RASGRF2: variants seen among roughly 807,000 people sequenced by gnomAD.
RASGRF2 encodes ras-specific guanine nucleotide-releasing factor 2.
A neutral mutation model predicts 151.0 loss-of-function variants in RASGRF2; 76 were observed. That is an observed-to-expected ratio of 0.50 (90% CI 0.42 to 0.61). The LOEUF (loss-of-function observed/expected upper bound fraction) is 0.61, where lower values mean the gene tolerates loss of function less well. Among genes scored for constraint, RASGRF2 ranks in the 20% least tolerant of loss-of-function variants. The probability of loss-of-function intolerance (pLI) is 0.00; values close to 1 mark genes in which losing one functional copy is unlikely to be tolerated. For synonymous variants in RASGRF2, 504 were observed against 566.5 expected (o/e 0.89, Z 1.57); for missense variants, 1,148 against 1,564.6 (o/e 0.73, Z 4.49).
At chr5:81,071,011 AT>A (rs1426509869) in intron 4 of RASGRF2, among the ~76,000 whole-genome samples, 2 of 152,086 alleles carry the variant, frequency 1.3e-5, no homozygotes, top group Non-Finnish European at 2.9e-5. Flanking sequence ...TTTCTGTTTT[AT>A]TATTGCTTCT....
chr5:80,964,136 T>C (rs1045297213), intron 1 of RASGRF2, among the ~76,000 whole-genome samples: 17 of 152,186 alleles, frequency 1.1e-4, no homozygotes, highest in African/African-American at 4.1e-4. Flanking sequence ...AGATTTCACT[T>C]TGATGAGTCT....
chr5:81,178,074 T>C (rs1181429804), intron 17 of RASGRF2, among the ~76,000 whole-genome samples: 3 of 152,216 alleles, frequency 2.0e-5, no homozygotes, highest in Non-Finnish European at 4.4e-5. Context: ...CCTAAAGATC[T>C]TTCTGACTTC....
At chr5:81,077,051 A>G (rs1751960111) in intron 5 of RASGRF2, among the ~76,000 whole-genome samples, 1 of 152,242 alleles carries the variant, frequency 6.6e-6, no homozygotes, top group Non-Finnish European at 1.5e-5. Context: ...ATAATGAGCC[A>G]TGGAATCTAA....
At chr5:81,161,690 T>C (rs1020451327) in intron 17 of RASGRF2, among the ~76,000 whole-genome samples, 1 of 152,180 alleles carries the variant, frequency 6.6e-6, no homozygotes, top group Non-Finnish European at 1.5e-5. Context: ...AGACAATATA[T>C]AAATATTGTT....
chr5:81,073,243 G>A lies in RASGRF2; in HGVS notation c.678G>A (p.Lys226=). Reference sequence around the variant, plus strand: ...GATGGTTGTGCAGAAGGAAATGGAAGACCATCGTGCAGGATTACATTTGTT... The same window carrying A: ...GATGGTTGTGCAGAAGGAAATGGAAAACCATCGTGCAGGATTACATTTGTT... ...MRGWLCRRKW[K]TIVQDYICSP... is the part of the protein sequence containing the mutation. Residue 226 remains lysine (K), a synonymous_variant, in exon 5 of 27, where the codon AAG becomes AAA. Transcript: ENST00000265080. 2 of 1,614,066 alleles carry A rather than the reference G, an allele frequency of 1.2e-6. No homozygotes were observed. The highest frequency in any genetic ancestry group is 8.5e-7 in the Non-Finnish European group (1 of 1,179,908).
At chr5:81,029,461 G>C (rs1018562793) in intron 1 of RASGRF2, among the ~76,000 whole-genome samples, 2 of 152,222 alleles carry the variant, frequency 1.3e-5, no homozygotes, top group African/African-American at 4.8e-5. Context: ...TCCACAGGAA[G>C]GATCAGGCAG....
intron 19 of RASGRF2, among the ~76,000 whole-genome samples, chr5:81,201,958 C>T (rs973775867): frequency 1.1e-4 from 17 of 150,822 alleles, no homozygotes; most frequent in African/African-American, 3.9e-4. Flanking sequence ...TTCCACATCA[C>T]GTAGGTGGTA....
intron 17 of RASGRF2, among the ~76,000 whole-genome samples, chr5:81,161,391 C>G (rs1404386294): frequency 6.6e-6 from 1 of 152,208 alleles, no homozygotes; most frequent in Non-Finnish European, 1.5e-5. Context: ...ACGGCTGGTG[C>G]AATGGTCTGC....
intron 1 of RASGRF2, among the ~76,000 whole-genome samples, chr5:80,979,013 G>A (rs1048349259): frequency 4.6e-5 from 7 of 152,116 alleles, no homozygotes; most frequent in African/African-American, 1.7e-4. Flanking sequence ...GAAAAGCTTT[G>A]TTTTGCTATT....
chr5:81,062,128 C>T (rs1381729391), intron 2 of RASGRF2, among the ~76,000 whole-genome samples: 1 of 152,026 alleles, frequency 6.6e-6, no homozygotes, highest in African/African-American at 2.4e-5. Context: ...AAGCATAGGC[C>T]ACTGTGCCCA....
At chr5:81,213,729 C>A (rs923475766) in intron 23 of RASGRF2, among the ~76,000 whole-genome samples, 2 of 152,136 alleles carry the variant, frequency 1.3e-5, no homozygotes, top group African/African-American at 4.8e-5. Context: ...TTTTATCTTA[C>A]CTTTCTCAGA....
intron 1 of RASGRF2, among the ~76,000 whole-genome samples, chr5:81,011,748 CAAACA>C (rs934824960): frequency 2.1e-5 from 1 of 48,116 alleles, no homozygotes; most frequent in African/African-American, 9.0e-5. Context: ...TCTCAACAAA[CAAACA>C]AAAAAAAAAA....
rs553630296 is a variant in RASGRF2, at chr5:81,024,384, C to T, written c.289-18493C>T. On this transcript the variant is annotated intron_variant, in intron 1 of 26. Coordinates refer to ENST00000265080, the MANE Select transcript of RASGRF2 (RefSeq NM_006909.3). ...AAGCAATTATCCTGCCTCAGCCTCC[C>T]GAGTAGCTGGGATTACAGCCACCCA... 1.3e-4 allele frequency among the ~76,000 whole-genome samples: 20 copies of T among 150,862 alleles called. No homozygotes were observed. In the South Asian group the frequency reaches 3.2e-3, roughly 24 times the overall value.
intron 1 of RASGRF2, among the ~76,000 whole-genome samples, chr5:80,969,815 C>CTTCTT (rs1747867787): frequency 1.3e-5 from 1 of 76,936 alleles, no homozygotes; most frequent in African/African-American, 6.8e-5. Context: ...ACTTCTTCTT[C>CTTCTT]TTTTTTTTTT....
intron 15 of RASGRF2, among the ~76,000 whole-genome samples, chr5:81,115,482 G>T (rs1462863596): frequency 6.6e-6 from 1 of 152,166 alleles, no homozygotes; most frequent in Non-Finnish European, 1.5e-5. Flanking sequence ...CTGGAATGGG[G>T]CATGGGGGTA....
At chr5:81,188,358 C>T (rs2112689588) in intron 18 of RASGRF2, among the ~76,000 whole-genome samples, 1 of 152,260 alleles carries the variant, frequency 6.6e-6, no homozygotes, top group Admixed American at 6.5e-5. Context: ...TTTAAAAGCC[C>T]CTTTCCCTAA....
At chr5:81,061,946 C>T (rs543362482) in intron 2 of RASGRF2, among the ~76,000 whole-genome samples, 1 of 149,592 alleles carries the variant, frequency 6.7e-6, no homozygotes, top group African/African-American at 2.5e-5. Flanking sequence ...GCCTCAGCCT[C>T]CCAAAGTGCT....
At chr5:81,186,119 A>G (rs1188384843) in intron 18 of RASGRF2, among the ~76,000 whole-genome samples, 3 of 152,248 alleles carry the variant, frequency 2.0e-5, no homozygotes, top group Non-Finnish European at 4.4e-5. Flanking sequence ...TTTATGGTGA[A>G]CAAAGAGACA....
At chr5:81,175,196 G>A (rs1208089202) in intron 17 of RASGRF2, among the ~76,000 whole-genome samples, 1 of 152,116 alleles carries the variant, frequency 6.6e-6, no homozygotes, top group Non-Finnish European at 1.5e-5. Context: ...CTCTTATGTT[G>A]AAGAAGCCGC....
Sources: allele counts gnomAD v4.1 joint callset (sites outside exome capture counted in the v4.1 genomes callset), GRCh38; gene constraint gnomAD v4.1.1; transcripts MANE v1.5; gene names NCBI Gene and HGNC (gene_info 2026-07-23, HGNC 2026-07-21).